Variants in REC8 observed in about 807,000 individuals in gnomAD.
REC8 encodes the protein REC8 meiotic recombination protein.
In REC8, 42 loss-of-function variants were observed where a neutral mutation model predicts 78.3. The observed-to-expected ratio is 0.54, with a 90% CI of 0.42 to 0.69. The LOEUF (loss-of-function observed/expected upper bound fraction) is 0.69, where lower values mean the gene tolerates loss of function less well. Ranked by LOEUF, REC8 falls within the 30% of genes least tolerant of loss-of-function variation. The pLI, the probability that REC8 is intolerant of heterozygous loss-of-function variation, is 0.00. For synonymous variants in REC8, 268 were observed against 274.1 expected, an observed-to-expected ratio of 0.98 and a Z score of 0.22; for missense variants, 581 against 715.8, an observed-to-expected ratio of 0.81 and a Z score of 2.15.
chr14:24,178,250 A>G (rs544591969), intron 12 of REC8, 28 bp downstream of exon 12: 1 of 1,597,156 alleles, frequency 6.3e-7, no homozygotes, highest in East Asian at 2.2e-5. Flanking sequence ...TTTGCCGGGG[A>G]AGGGAGGGAG....
intron 7 of REC8, 42 bp from the exon 8 acceptor site, chr14:24,177,099 A>G (rs1566633100): frequency 6.3e-7 from 1 of 1,592,372 alleles, no homozygotes; most frequent in South Asian, 1.1e-5. Context: ...TTTTTCAGAA[A>G]TATTATTGAA....
rs1255012915 is a variant in REC8, at chr14:24,179,102, G to T, written c.1221G>T (p.Leu407=). 6.3e-7 allele frequency: 1 copy of T among 1,590,138 alleles called. No individual in the cohort carries two copies. The highest frequency in any genetic ancestry group is 8.6e-7 in the Non-Finnish European group (1 of 1,168,216). The part of the protein sequence containing the change: ...PSEIEVPREA[L]EPSVPLMVSL... ...ATCCCCAGGTCCCGAGGGAGGCCCT[G>T]GAGCCCAGTGTTCCCCTTATGGTGT... is the stretch of plus-strand genomic sequence containing the variant. The change falls in exon 15 of 19, where the codon CTG becomes CTT. Residue 407 remains leucine, a synonymous_variant. Transcript: ENST00000611366.
At chr14:24,180,381 G>A (rs2039107702), downstream of REC8, 1 of 1,569,390 alleles carries the variant, frequency 6.4e-7, no homozygotes, top group Non-Finnish European at 8.7e-7. Flanking sequence ...GAACTGGGCT[G>A]AGAGGTGGTC....
chr14:24,178,936 A>T lies in REC8; in HGVS notation c.1203+20A>T. 6.2e-7 allele frequency: 1 copy of T among 1,612,488 alleles called. No individual in the cohort carries two copies. Among genetic ancestry groups the T allele is most frequent in the Non-Finnish European group, 8.5e-7 (1 of 1,179,396 alleles). ...ATTGAGGTAACTGCACCACCTGTTT[A>T]CTGCATCGCCCCAGTGCCAGGGTCT... On this transcript the variant is annotated intron_variant, in intron 14 of 18. Coordinates refer to ENST00000611366, the MANE Select transcript of REC8 (RefSeq NM_001048205.2).
At chr14:24,172,805 G>A (rs1377969915) in intron 2 of REC8, 24 bp downstream of exon 2, 3 of 1,614,064 alleles carry the variant, frequency 1.9e-6, no homozygotes, top group Non-Finnish European at 2.5e-6. Context: ...AAGGGAAGGA[G>A]GGCCTGGTGC....
intron 7 of REC8, 110 bp downstream of exon 7, chr14:24,177,011 C>T (rs1386360536): frequency 1.1e-5 from 14 of 1,312,496 alleles, no homozygotes; most frequent in Non-Finnish European, 1.4e-5. Flanking sequence ...CTGTCCCTGG[C>T]ACTTGAGCAC....
chr14:24,174,708 C>G (rs1351128420), intron 5 of REC8, among the ~76,000 whole-genome samples: 1 of 152,124 alleles, frequency 6.6e-6, no homozygotes, highest in Non-Finnish European at 1.5e-5. Context: ...GTACTGTTTC[C>G]CTAGCCCATA....
chr14:24,180,472 C>T (rs1020317051), downstream of REC8: 1 of 1,613,432 alleles, frequency 6.2e-7, no homozygotes, highest in Middle Eastern at 1.7e-4. Flanking sequence ...CCTGGAGCTC[C>T]TGAGCCTTGT....
chr14:24,178,288 C>A, intron 12 of REC8, 66 bp downstream of exon 12: 1 of 1,424,012 alleles, frequency 7.0e-7, no homozygotes, highest in Non-Finnish European at 9.8e-7. Flanking sequence ...CACATGCAGG[C>A]TGAGCCTTCC....
chr14:24,177,373 G>A lies in REC8; in HGVS notation c.727G>A (p.Ala243Thr), dbSNP rs2038946770. ...LLEIPRLPPP[A>T]PAEVEGIGEA... ...CACAGTCCCGCGGCTCCCACCTCCA[G>A]CTCCTGCAGAGTAAGGGCAAGAACT... Residue 243 changes from alanine to threonine, a missense_variant, in exon 9 of 19, where the codon GCT (alanine) becomes ACT (threonine). Physicochemically the swap from Ala to Thr is moderately conservative, Grantham distance 58 (BLOSUM62 0). Transcript: ENST00000611366. The A allele has an allele frequency of 6.2e-7, 1 of 1,614,206 alleles. No individual in the cohort carries two copies. The highest frequency in any genetic ancestry group is 1.3e-5 in the African/African-American group (1 of 75,042).
chr14:24,180,571 G>T (rs762618214), downstream of REC8: 4 of 1,613,594 alleles, frequency 2.5e-6, no homozygotes, highest in Non-Finnish European at 3.4e-6. Context: ...CGGCCTTGGT[G>T]TCTGGGTGGA....
At chr14:24,174,483 G>A (rs918405195) in intron 5 of REC8, among the ~76,000 whole-genome samples, 7 of 151,980 alleles carry the variant, frequency 4.6e-5, no homozygotes, top group South Asian at 2.1e-4. Flanking sequence ...TCATCATGTT[G>A]GTCAGACTGG....
Position 24,179,152 on chromosome 14 carries a change from G to T in REC8, c.1252+19G>T. ...TCTTTAGGTAAGCACCTAGAGAAGA[G>T]GCGCAGTGGGACCACACCCTAACCA... On this transcript the variant is annotated intron_variant, in intron 15 of 18. Coordinates refer to ENST00000611366, the MANE Select transcript of REC8 (RefSeq NM_001048205.2). The T allele has an allele frequency of 2.6e-6, 4 of 1,558,544 alleles. No homozygotes were observed. The highest frequency in any genetic ancestry group is 3.5e-6 in the Non-Finnish European group (4 of 1,148,466).
intron 12 of REC8, 70 bp downstream of exon 12, chr14:24,178,292 G>A: frequency 7.1e-7 from 1 of 1,413,276 alleles, no homozygotes. Flanking sequence ...TGCAGGCTGA[G>A]CCTTCCAAAC....
intron 18 of REC8, 33 bp from the exon 19 acceptor site, chr14:24,179,977 C>G (rs1227501648): frequency 6.2e-7 from 1 of 1,614,084 alleles, no homozygotes; most frequent in East Asian, 2.2e-5. Flanking sequence ...ACAGGGACTC[C>G]CCCGACCTGC....
At position 24,177,963 on chromosome 14, in the gene REC8, G is replaced by A. The variant is rs962151139; in HGVS notation, c.865-128G>A. 5 of 1,514,226 alleles carry A rather than the reference G, an allele frequency of 3.3e-6. No individual in the cohort carries two copies. The African/African-American group carries it at 5.6e-5, about 17-fold the overall frequency. The allele number at this position is 1,514,226 out of a possible 1,614,324, so 93.8% of individuals were successfully genotyped here. A position where few individuals can be genotyped will look rare whatever the true frequency, so the allele number is the denominator to read the frequency against. ...AAGGTATGAGCTGCTCAAGTGCATG[G>A]AGACCCCGCACAAGCCCTCTCCAGG... On this transcript the variant is annotated intron_variant, in intron 11 of 18. Transcript: ENST00000611366.
In REC8 at chr14:24,172,955, C is replaced by T. The variant is rs1326732041; in HGVS notation, c.182C>T (p.Pro61Leu). ...VRVQPPQPGL[P>L]RPRFSLYLSA... ...GTGCAACCCCCGCAGCCCGGCCTGC[C>T]GCGGCCCCGCTTCTCCCTCTATCTC... Residue 61 changes from proline to leucine, a missense_variant, in exon 3 of 19, where the codon CCG becomes CTG. Coordinates refer to ENST00000611366, the MANE Select transcript of REC8 (RefSeq NM_001048205.2). 1 of 1,610,060 alleles carries T rather than the reference C, an allele frequency of 6.2e-7. No homozygotes were observed. Among genetic ancestry groups the T allele is most frequent in the Non-Finnish European group, 8.5e-7 (1 of 1,180,020 alleles).
intron 10 of REC8, 56 bp downstream of exon 10, chr14:24,177,597 G>C (rs1440138949): frequency 1.3e-6 from 2 of 1,585,850 alleles, no homozygotes; most frequent in African/African-American, 1.4e-5. Flanking sequence ...TACTGCTGCA[G>C]ACAAGGGCTT....
intron 6 of REC8, among the ~76,000 whole-genome samples, chr14:24,176,205 C>T (rs1055561378): frequency 1.5e-4 from 22 of 151,368 alleles, no homozygotes; most frequent in African/African-American, 4.1e-4. Flanking sequence ...TACAGGCATG[C>T]ACCACCACGC....
Sources: gnomAD v4.1 joint callset for allele counts (sites outside exome capture counted in the v4.1 genomes callset) on GRCh38, gnomAD v4.1.1 for gene constraint, MANE v1.5 for transcripts, NCBI Gene and HGNC (gene_info 2026-07-23, HGNC 2026-07-21) for gene names.